The following ZNF346 variants were observed in gnomAD, a reference collection of about 807,000 sequenced individuals.
The protein encoded by ZNF346 is zinc finger protein 346.
Under a neutral mutation model 33.7 loss-of-function variants are expected in ZNF346, and 23 were observed. The observed-to-expected ratio is 0.68, with a 90% CI of 0.49 to 0.97. ZNF346 has a LOEUF of 0.97. Ranked by LOEUF, ZNF346 falls within the 50% of genes least tolerant of loss-of-function variation. The pLI is 0.00. For synonymous variants in ZNF346, 134 were observed against 142.4 expected (o/e 0.94, Z 0.42); for missense variants, 340 against 371.1 (o/e 0.92, Z 0.69).
intron 5 of ZNF346, among the ~76,000 whole-genome samples, chr5:177,056,563 C>T (rs1781700277): frequency 6.6e-6 from 1 of 152,210 alleles, no homozygotes; most frequent in Non-Finnish European, 1.5e-5. Flanking sequence ...GGCACATATA[C>T]ACCATGGAAT....
intron 1 of ZNF346, among the ~76,000 whole-genome samples, chr5:177,035,168 C>T (rs1401954841): frequency 1.3e-5 from 2 of 152,112 alleles, no homozygotes; most frequent in African/African-American, 4.8e-5. Flanking sequence ...AGGCACATAG[C>T]ACCATGCCTG....
chr5:177,034,437 G>A (rs1778189066), intron 1 of ZNF346, among the ~76,000 whole-genome samples: 1 of 151,864 alleles, frequency 6.6e-6, no homozygotes, highest in African/African-American at 2.4e-5. Flanking sequence ...TGTTGCCCAG[G>A]CTGGTTCTTG....
intron 1 of ZNF346, among the ~76,000 whole-genome samples, chr5:177,040,763 C>T (rs562268719): frequency 3.3e-5 from 5 of 152,218 alleles, no homozygotes; most frequent in Non-Finnish European, 7.3e-5. Flanking sequence ...TGGGTGCTAC[C>T]ATATCTTAAA....
At chr5:177,045,862 T>G (rs895657008) in intron 4 of ZNF346, among the ~76,000 whole-genome samples, 2 of 152,284 alleles carry the variant, frequency 1.3e-5, no homozygotes, top group Admixed American at 6.5e-5. Flanking sequence ...ATGTGGACTT[T>G]GAAGTCACAG....
intron 4 of ZNF346, among the ~76,000 whole-genome samples, chr5:177,048,221 T>C (rs562937353): frequency 1.3e-5 from 2 of 152,188 alleles, no homozygotes; most frequent in Non-Finnish European, 2.9e-5. Context: ...TAGACTTACT[T>C]ACACTTTCAC....
intron 1 of ZNF346, among the ~76,000 whole-genome samples, chr5:177,039,770 G>A (rs1561985869): frequency 5.3e-5 from 8 of 152,154 alleles, no homozygotes; most frequent in Admixed American, 5.2e-4. Flanking sequence ...GAGCCACTGT[G>A]CCTAGCCTTG....
downstream of ZNF346, among the ~76,000 whole-genome samples, chr5:177,069,390 TGCAAGTGAG>T (rs1783392481): frequency 6.6e-6 from 1 of 150,410 alleles, no homozygotes; most frequent in Non-Finnish European, 1.5e-5. Context: ...AGGCGGAGGT[TGCAAGTGAG>T]CTGAGATCGC....
intron 1 of ZNF346, among the ~76,000 whole-genome samples, chr5:177,034,377 C>T (rs534203530): frequency 2.6e-5 from 4 of 152,044 alleles, no homozygotes; most frequent in South Asian, 2.1e-4. Context: ...GTGTGCACCA[C>T]GACACTCAGC....
chr5:177,061,931 CAG>C (rs1488504456), intron 5 of ZNF346, 125 bp from the exon 6 acceptor site: 1 of 746,630 alleles, frequency 1.3e-6, no homozygotes, highest in African/African-American at 1.8e-5. Context: ...GGGTTCTCAT[CAG>C]GGCCAGCAAC....
chr5:177,041,662 C>G lies in ZNF346; in HGVS notation c.280-116C>G, dbSNP rs1581852015. On this transcript the variant is annotated intron_variant, in intron 2 of 6. Coordinates refer to ENST00000358149, the MANE Select transcript of ZNF346 (RefSeq NM_012279.4). ...GCAGGAACTCAAACTTCCCTCACCTCCTCCTCAAAACTTTTTGTGAGGATG... is the reference window on the plus strand; with the variant it reads ...GCAGGAACTCAAACTTCCCTCACCTGCTCCTCAAAACTTTTTGTGAGGATG... 5.9e-6 allele frequency: 4 copies of G among 674,342 alleles called. No individual in the cohort carries two copies. In the East Asian group the frequency reaches 1.1e-4, roughly 18 times the overall value. 41.8% of individuals were successfully genotyped at this position (674,342 alleles called of 1,614,324 possible).
At position 177,022,968 on chromosome 5, in the gene ZNF346, G is replaced by T. The variant is rs553578180; in HGVS notation, c.175+55G>T. 9.4e-5 allele frequency: 135 copies of T among 1,441,560 alleles called. 3 individuals carry two copies. In the South Asian group the frequency reaches 1.4e-3, roughly 15 times the overall value. 89.3% of individuals were successfully genotyped at this position (1,441,560 alleles called of 1,614,324 possible). Reference sequence around the variant, plus strand: ...CCCTCGCCCGCTGCGCGGCTCGCGGGGAACTGCGGAAGCGCCGACGGTCAC... The same window carrying T: ...CCCTCGCCCGCTGCGCGGCTCGCGGTGAACTGCGGAAGCGCCGACGGTCAC... On this transcript the variant is annotated intron_variant, in intron 1 of 6. Coordinates refer to ENST00000358149, the MANE Select transcript of ZNF346 (RefSeq NM_012279.4).
At chr5:177,040,922 A>G (rs1378517410) in intron 1 of ZNF346, among the ~76,000 whole-genome samples, 5 of 152,238 alleles carry the variant, frequency 3.3e-5, no homozygotes, top group African/African-American at 9.6e-5. Flanking sequence ...GTTGGCATAC[A>G]TAAAATTATA....
At chr5:177,047,606 A>G (rs1016308106) in intron 4 of ZNF346, among the ~76,000 whole-genome samples, 1 of 152,084 alleles carries the variant, frequency 6.6e-6, no homozygotes, top group Non-Finnish European at 1.5e-5. Flanking sequence ...TCTGGGTTCA[A>G]GCAATTCTCT....
chr5:177,028,509 T>TATATATATAA (rs1777177628), intron 1 of ZNF346, among the ~76,000 whole-genome samples: 1 of 135,134 alleles, frequency 7.4e-6, no homozygotes, highest in South Asian at 2.2e-4. Flanking sequence ...TATATATATA[T>TATATATATAA]ATATATATAT....
intron 1 of ZNF346, among the ~76,000 whole-genome samples, chr5:177,024,198 TC>T (rs1420480759): frequency 2.7e-5 from 2 of 74,514 alleles, no homozygotes; most frequent in Admixed American, 1.8e-4. Flanking sequence ...GGGCCCTCTC[TC>T]CTTTTTTTTT....
At chr5:177,026,609 G>A (rs1469650116) in intron 1 of ZNF346, among the ~76,000 whole-genome samples, 2 of 152,054 alleles carry the variant, frequency 1.3e-5, no homozygotes, top group African/African-American at 4.8e-5. Flanking sequence ...TGATCCACCA[G>A]CCTTGGCCTC....
chr5:177,041,891 AG>A (rs780411390), intron 3 of ZNF346, 21 bp downstream of exon 3: 4 of 1,545,008 alleles, frequency 2.6e-6, no homozygotes, highest in Non-Finnish European at 3.6e-6. Flanking sequence ...TGCCATATTG[AG>A]CCCACTTGCT....
At chr5:177,055,034 G>GTTTTTTT (rs1213847902) in intron 5 of ZNF346, among the ~76,000 whole-genome samples, 1 of 137,358 alleles carries the variant, frequency 7.3e-6, no homozygotes, top group African/African-American at 2.7e-5. Flanking sequence ...AAATACGTAG[G>GTTTTTTT]TTTTTTTTTT....
rs1385240633 is a variant in ZNF346 at position 177,067,251 on chromosome 5, AT to A, written c.*2653del. Among the ~76,000 whole-genome samples the A allele has an allele frequency of 1.5e-4, 23 of 152,180 alleles. No homozygotes were observed. Among genetic ancestry groups the A allele is most frequent in the Admixed American group, 1.5e-3 (23 of 15,270 alleles). On this transcript the variant is annotated 3_prime_UTR_variant, in exon 7 of 7. Coordinates refer to ENST00000358149, the MANE Select transcript of ZNF346 (RefSeq NM_012279.4). ...GAGCAAGACCCTGTCTCTAAAAATA[AT>A]AATTTTTAAAATTTAAAAAAAGAAA...
Sources: allele counts gnomAD v4.1 joint callset (sites outside exome capture counted in the v4.1 genomes callset), GRCh38; gene constraint gnomAD v4.1.1; transcripts MANE v1.5; gene names NCBI Gene and HGNC (gene_info 2026-07-23, HGNC 2026-07-21).